Variants in MAP6 observed in about 807,000 individuals in gnomAD.
MAP6 encodes microtubule-associated protein 6.
Under a neutral mutation model 42.4 loss-of-function variants are expected in MAP6, and 26 were observed. The observed-to-expected ratio is 0.61, with a 90% CI of 0.45 to 0.85. The LOEUF (loss-of-function observed/expected upper bound fraction) is 0.85. Among genes scored for constraint, MAP6 ranks in the 40% least tolerant of loss-of-function variants. MAP6 has a pLI of 0.00. For synonymous variants in MAP6, 418 were observed against 443.8 expected, an observed-to-expected ratio of 0.94 and a Z score of 0.73; for missense variants, 966 against 1,099.0, an observed-to-expected ratio of 0.88 and a Z score of 1.71.
chr11:75,622,918 G>A (rs1031037369), intron 1 of MAP6, among the ~76,000 whole-genome samples: 2 of 152,140 alleles, frequency 1.3e-5, no homozygotes, highest in African/African-American at 4.8e-5. Context: ...TAAATTATTG[G>A]TAGCTTGAAA....
At chr11:75,641,446 C>T (rs1251885235) in intron 1 of MAP6, among the ~76,000 whole-genome samples, 2 of 151,774 alleles carry the variant, frequency 1.3e-5, no homozygotes, top group Non-Finnish European at 1.5e-5. Context: ...AACAAACCTG[C>T]ATGTTGTGCA....
At chr11:75,619,928 C>A (rs1277293024) in intron 1 of MAP6, among the ~76,000 whole-genome samples, 2 of 152,176 alleles carry the variant, frequency 1.3e-5, no homozygotes, top group Admixed American at 1.3e-4. Flanking sequence ...AATTCACATT[C>A]CCACCAACAG....
At chr11:75,632,136 C>G (rs1365730418) in intron 1 of MAP6, among the ~76,000 whole-genome samples, 1 of 152,162 alleles carries the variant, frequency 6.6e-6, no homozygotes, top group Non-Finnish European at 1.5e-5. Context: ...CCTCACCGAG[C>G]CTTCTTGCTT....
At position 75,623,381 on chromosome 11, in the gene MAP6, TA is replaced by T. The variant is rs371819435; in HGVS notation, c.906-15060del. Among the ~76,000 whole-genome samples the T allele has an allele frequency of 7.4e-4, 113 of 152,318 alleles. 3 individuals are homozygous for T. The East Asian group carries it at 0.02, about 27-fold the overall frequency. ...CGGCTGCACCAATGTATAATTTTAC[TA>T]AATCTCATGAAAATATACACTTAAA... On this transcript the variant is annotated intron_variant, in intron 1 of 3. Transcript: ENST00000304771.
chr11:75,628,582 G>A (rs866528360), intron 1 of MAP6, among the ~76,000 whole-genome samples: 11 of 152,238 alleles, frequency 7.2e-5, no homozygotes, highest in Middle Eastern at 3.2e-3. Flanking sequence ...GGCCAGAGCG[G>A]CAGGAGGGAG....
chr11:75,629,625 T>G (rs1943253086), intron 1 of MAP6, among the ~76,000 whole-genome samples: 1 of 152,202 alleles, frequency 6.6e-6, no homozygotes, highest in Non-Finnish European at 1.5e-5. Flanking sequence ...TCAAAGGGAT[T>G]GGAAAAAGTT....
At chr11:75,645,680 A>C (rs1943542768) in intron 1 of MAP6, among the ~76,000 whole-genome samples, 1 of 152,266 alleles carries the variant, frequency 6.6e-6, no homozygotes, top group Admixed American at 6.5e-5. Context: ...TTAAAGACTT[A>C]AACAAAAAAG....
intron 3 of MAP6, among the ~76,000 whole-genome samples, chr11:75,589,160 C>T (rs1313851246): frequency 1.3e-5 from 2 of 152,204 alleles, no homozygotes; most frequent in Non-Finnish European, 2.9e-5. Context: ...CACCAACTTC[C>T]AGGCTCTTGG....
At chr11:75,622,549 A>G (rs79459979) in intron 1 of MAP6, among the ~76,000 whole-genome samples, 2,875 of 152,368 alleles carry the variant, frequency 0.019, 191 homozygotes, top group Admixed American at 0.12. Context: ...TTAAGATGGC[A>G]ACTCTCTAGA....
chr11:75,599,392 T>C (rs941672106), intron 3 of MAP6, among the ~76,000 whole-genome samples: 3 of 152,248 alleles, frequency 2.0e-5, no homozygotes, highest in Non-Finnish European at 4.4e-5. Flanking sequence ...CAGTTTTATC[T>C]TGGTACCTCC....
chr11:75,656,527 C>T (rs1943752447), intron 1 of MAP6, among the ~76,000 whole-genome samples: 1 of 152,180 alleles, frequency 6.6e-6, no homozygotes, highest in African/African-American at 2.4e-5. Flanking sequence ...GGCCTATGCT[C>T]CTGCTCTCTT....
At chr11:75,666,910 G>A (rs1283128732) in intron 1 of MAP6, among the ~76,000 whole-genome samples, 1 of 152,178 alleles carries the variant, frequency 6.6e-6, no homozygotes, top group East Asian at 1.9e-4. Flanking sequence ...TTCCAGCGGT[G>A]GAAGGTGGGG....
In MAP6 at chr11:75,623,637, G is replaced by A. The variant is rs928649083; in HGVS notation, c.906-15315C>T. On this transcript the variant is annotated intron_variant, in intron 1 of 3. Coordinates refer to ENST00000304771, the MANE Select transcript of MAP6 (RefSeq NM_033063.2). The stretch of plus-strand genomic sequence containing the variant: ...CATCTGACCCATCTCTGCGTCCCTG[G>A]TGCCTGGTTTGGAGGCTGGCATGTT... Among the ~76,000 whole-genome samples the A allele has an allele frequency of 2.6e-5, 4 of 152,146 alleles. No individual in the cohort carries two copies. The East Asian group carries it at 5.8e-4, about 22-fold the overall frequency.
chr11:75,667,934 A>G lies in MAP6; in HGVS notation c.436T>C (p.Ser146Pro), dbSNP rs1475813702. 1.5e-6 allele frequency: 2 copies of G among 1,378,360 alleles called. No homozygotes were observed. Among genetic ancestry groups the G allele is most frequent in the East Asian group, 3.0e-5 (1 of 32,964 alleles). 85.4% of individuals were successfully genotyped at this position (1,378,360 alleles called of 1,614,324 possible). The part of the protein sequence containing the change: ...SCRPRSEYQP[S>P]DAPFERETQY... ...GTCTCGCGCTCGAAGGGAGCGTCGG[A>G]GGGCTGGTATTCGCTGCGCGGCCGG... The change falls in exon 1 of 4, where the codon TCC becomes CCC. Residue 146 changes from serine (S) to proline (P), a missense_variant. Physicochemically the swap from Ser to Pro is moderately conservative, Grantham distance 74. Coordinates refer to ENST00000304771, the MANE Select transcript of MAP6 (RefSeq NM_033063.2). The surrounding 1 kb of genome is among the most constrained non-coding windows in gnomAD (Gnocchi z 5.6).
intron 1 of MAP6, among the ~76,000 whole-genome samples, chr11:75,637,866 G>GGGAA (rs1282435524): frequency 2.9e-5 from 4 of 139,342 alleles, no homozygotes; most frequent in African/African-American, 8.0e-5. Context: ...GAAGGAGGGA[G>GGGAA]GGAAGGAAGG....
At chr11:75,614,260 C>T (rs1183127176) in intron 1 of MAP6, among the ~76,000 whole-genome samples, 1 of 152,162 alleles carries the variant, frequency 6.6e-6, no homozygotes. Flanking sequence ...CAGCCAGGGA[C>T]GGGGTGTAAA....
At chr11:75,605,765 G>GGA (rs144322716) in intron 3 of MAP6, 43 bp downstream of exon 3, 3 of 1,582,952 alleles carry the variant, frequency 1.9e-6, no homozygotes, top group Non-Finnish European at 2.6e-6. Flanking sequence ...TTGGGGGGAG[G>GGA]GAGAGAGAGA....
intron 1 of MAP6, among the ~76,000 whole-genome samples, chr11:75,617,732 A>C (rs1257993094): frequency 1.3e-5 from 2 of 151,954 alleles, no homozygotes; most frequent in South Asian, 4.1e-4. Flanking sequence ...AGTAGAAAGA[A>C]ATAAGAGATA....
intron 1 of MAP6, among the ~76,000 whole-genome samples, chr11:75,627,151 A>G (rs72993729): frequency 7.9e-4 from 120 of 152,376 alleles, no homozygotes; most frequent in Admixed American, 1.4e-3. Context: ...TTCAAAAATC[A>G]TCTTCATGCT....
Sources: gnomAD v4.1 joint callset for allele counts (sites outside exome capture counted in the v4.1 genomes callset) on GRCh38, gnomAD v4.1.1 for gene constraint, Gnocchi (gnomAD v3.1) non-coding constraint, MANE v1.5 for transcripts, NCBI Gene and HGNC (gene_info 2026-07-23, HGNC 2026-07-21) for gene names.